FBXL17: variants seen among roughly 807,000 people sequenced by gnomAD.
FBXL17 encodes the protein F-box/LRR-repeat protein 17.
A neutral mutation model predicts 66.2 loss-of-function variants in FBXL17; 22 were observed. That is an observed-to-expected ratio of 0.33 (90% CI 0.24 to 0.47). The LOEUF (loss-of-function observed/expected upper bound fraction) is 0.47, where lower values mean the gene tolerates loss of function less well. FBXL17 is among the 20% of genes least tolerant of loss of function. The pLI is 1.00. For synonymous variants in FBXL17, 474 were observed against 400.5 expected (o/e 1.18, Z -2.19); for missense variants, 878 against 948.2 (o/e 0.93, Z 0.97).
chr5:108,308,296 G>C (rs1351953507), intron 4 of FBXL17, among the ~76,000 whole-genome samples: 1 of 151,958 alleles, frequency 6.6e-6, no homozygotes, highest in East Asian at 1.9e-4. Flanking sequence ...TGAGTGTCTA[G>C]AATGTATAGG....
intron 4 of FBXL17, among the ~76,000 whole-genome samples, chr5:108,347,200 C>T (rs1354317212): frequency 1.3e-5 from 2 of 152,102 alleles, no homozygotes; most frequent in African/African-American, 2.4e-5. Flanking sequence ...GCTTTTATTG[C>T]CCCTAAGCTG....
chr5:108,355,176 A>G (rs1747897209), intron 3 of FBXL17, among the ~76,000 whole-genome samples: 1 of 152,004 alleles, frequency 6.6e-6, no homozygotes, highest in Non-Finnish European at 1.5e-5. Flanking sequence ...TCAAAATAAT[A>G]ATGATGTATT....
intron 6 of FBXL17, among the ~76,000 whole-genome samples, chr5:108,144,696 T>C (rs13179507): frequency 0.31 from 46,411 of 152,018 alleles, 8,296 homozygotes; most frequent in Admixed American, 0.41. Context: ...CTAATAGATT[T>C]TGCATACTTT....
chr5:108,133,605 G>C (rs1000158411), intron 6 of FBXL17, among the ~76,000 whole-genome samples: 81 of 152,094 alleles, frequency 5.3e-4, no homozygotes, highest in African/African-American at 1.9e-3. Flanking sequence ...AGCATGCAGA[G>C]ATCTGCTGGA....
chr5:108,373,423 A>C (rs1233411951), intron 1 of FBXL17, among the ~76,000 whole-genome samples: 1 of 143,192 alleles, frequency 7.0e-6, no homozygotes, highest in Non-Finnish European at 1.5e-5. Flanking sequence ...TTATTTATAT[A>C]ATGTGAGAAT....
At chr5:108,317,835 A>C (rs1759441934) in intron 4 of FBXL17, among the ~76,000 whole-genome samples, 1 of 151,542 alleles carries the variant, frequency 6.6e-6, no homozygotes. Context: ...ATGTAAATGC[A>C]AAAGGATTTA....
intron 4 of FBXL17, among the ~76,000 whole-genome samples, chr5:108,229,069 G>T (rs569379154): frequency 2.6e-5 from 4 of 152,174 alleles, no homozygotes; most frequent in African/African-American, 7.2e-5. Flanking sequence ...TGTTAAAAAT[G>T]CAAAATCTGT....
At chr5:107,992,997 G>T (rs1031627165) in intron 7 of FBXL17, among the ~76,000 whole-genome samples, 4 of 151,932 alleles carry the variant, frequency 2.6e-5, no homozygotes, top group African/African-American at 7.3e-5. Context: ...CCAGGTTCAC[G>T]CCATTCTCCT....
At chr5:107,892,411 G>A (rs1749226370) in intron 7 of FBXL17, among the ~76,000 whole-genome samples, 2 of 152,040 alleles carry the variant, frequency 1.3e-5, no homozygotes, top group Non-Finnish European at 2.9e-5. Flanking sequence ...GTCTTTGCTT[G>A]GGGGAGATTA....
intron 7 of FBXL17, among the ~76,000 whole-genome samples, chr5:108,017,100 A>G (rs1299021127): frequency 6.6e-6 from 1 of 152,124 alleles, no homozygotes; most frequent in African/African-American, 2.4e-5. Flanking sequence ...AAATTTTCAA[A>G]AGAAAATTGA....
At chr5:108,305,684 T>C (rs1313083374) in intron 4 of FBXL17, among the ~76,000 whole-genome samples, 1 of 152,002 alleles carries the variant, frequency 6.6e-6, no homozygotes, top group Non-Finnish European at 1.5e-5. Context: ...CCAATTGAGT[T>C]TTGGGCATGC....
intron 6 of FBXL17, among the ~76,000 whole-genome samples, chr5:108,028,304 C>A (rs546572832): frequency 6.6e-6 from 1 of 152,016 alleles, no homozygotes; most frequent in Non-Finnish European, 1.5e-5. Context: ...AAAAAGGATA[C>A]CGTGAAATTT....
rs575983674 is a variant in FBXL17 at position 108,222,713 on chromosome 5, G to A, written c.1614+1408C>T. On this transcript the variant is annotated intron_variant, in intron 5 of 8. Transcript: ENST00000542267. The stretch of plus-strand genomic sequence containing the variant: ...TTTTTGAGACAGAGTCTCATCTGTC[G>A]CCCGGGCTGGAGTGCAGTGGCGCAA... Among the ~76,000 whole-genome samples the A allele has an allele frequency of 1.7e-4, 22 of 128,550 alleles. No individual in the cohort carries two copies. The South Asian group carries it at 1.9e-3, about 11-fold the overall frequency. 84.3% of individuals were successfully genotyped at this position (128,550 alleles called of 152,430 possible).
chr5:107,935,501 T>G (rs2112581380), intron 7 of FBXL17, among the ~76,000 whole-genome samples: 1 of 152,074 alleles, frequency 6.6e-6, no homozygotes, highest in South Asian at 2.1e-4. Flanking sequence ...TTGTCAGTGG[T>G]AATGGAACGC....
At chr5:108,015,111 TAAC>T (rs1561368546) in intron 7 of FBXL17, among the ~76,000 whole-genome samples, 1 of 151,820 alleles carries the variant, frequency 6.6e-6, no homozygotes, top group African/African-American at 2.4e-5. Context: ...AAAAAGAACA[TAAC>T]ACCTGCTAAA....
chr5:108,155,070 C>G (rs2150000400), intron 6 of FBXL17, among the ~76,000 whole-genome samples: 1 of 152,102 alleles, frequency 6.6e-6, no homozygotes, highest in African/African-American at 2.4e-5. Flanking sequence ...CTTTTGTAAC[C>G]AAGTAGGGAA....
intron 7 of FBXL17, among the ~76,000 whole-genome samples, chr5:108,003,601 T>C (rs1225409457): frequency 2.0e-5 from 3 of 152,118 alleles, no homozygotes; most frequent in Admixed American, 1.3e-4. Context: ...GAAAGAGAAC[T>C]GAAAACATGA....
At chr5:108,149,678 T>C (rs1751694094) in intron 6 of FBXL17, among the ~76,000 whole-genome samples, 1 of 152,234 alleles carries the variant, frequency 6.6e-6, no homozygotes, top group Non-Finnish European at 1.5e-5. Context: ...TCTTAGTAAG[T>C]CATATTCAGT....
At chr5:107,884,205 C>A (rs1321799691) in intron 7 of FBXL17, among the ~76,000 whole-genome samples, 1 of 152,158 alleles carries the variant, frequency 6.6e-6, no homozygotes, top group Non-Finnish European at 1.5e-5. Flanking sequence ...GTGACAAGTG[C>A]TCTGAAGGAA....
Sources: gnomAD v4.1 joint callset for allele counts (sites outside exome capture counted in the v4.1 genomes callset) on GRCh38, gnomAD v4.1.1 for gene constraint, MANE v1.5 for transcripts, NCBI Gene and HGNC (gene_info 2026-07-23, HGNC 2026-07-21) for gene names.